The following MICU3 variants were observed in gnomAD, a reference collection of about 807,000 sequenced individuals.
MICU3 encodes the protein calcium uptake protein 3, mitochondrial.
A neutral mutation model predicts 66.5 loss-of-function variants in MICU3; 62 were observed. The ratio of observed to expected loss-of-function variants is 0.93; its 90% CI spans 0.76 to 1.15. MICU3 has a LOEUF of 1.15. Among genes scored for constraint, MICU3 ranks in the 50% most tolerant of loss-of-function variants. The pLI is 0.00. For missense variants in MICU3, 779 were observed against 664.4 expected, an observed-to-expected ratio of 1.17 and a Z score of -1.90; for synonymous variants, 308 against 240.7, an observed-to-expected ratio of 1.28 and a Z score of -2.59.
Position 17,043,761 on chromosome 8 carries a change from A to G in MICU3, c.381+16101A>G, listed in dbSNP as rs938711773. Among the ~76,000 whole-genome samples the G allele has an allele frequency of 2.6e-5, 4 of 152,350 alleles. No homozygotes were observed. The East Asian group carries it at 7.7e-4, about 29-fold the overall frequency. ...CTCTGTCTGCCTGCTTTGTTGATGA[A>G]CATAAAAGTCAAGTAAGAGTTTTGA... On this transcript the variant is annotated intron_variant, in intron 1 of 14. Coordinates refer to ENST00000318063, the MANE Select transcript of MICU3 (RefSeq NM_181723.3).
chr8:17,027,910 C>G (rs1178915583), intron 1 of MICU3, among the ~76,000 whole-genome samples: 1 of 152,128 alleles, frequency 6.6e-6, no homozygotes, highest in South Asian at 2.1e-4. Context: ...CAATCCAAAC[C>G]CAAAACCAAC....
At chr8:17,110,374 C>A (rs1802084237) in intron 11 of MICU3, among the ~76,000 whole-genome samples, 1 of 152,026 alleles carries the variant, frequency 6.6e-6, no homozygotes, top group African/African-American at 2.4e-5. Context: ...AACCATTTTC[C>A]TCATACCAAA....
intron 1 of MICU3, among the ~76,000 whole-genome samples, chr8:17,031,043 C>G (rs1229822754): frequency 2.0e-5 from 3 of 151,876 alleles, no homozygotes; most frequent in Non-Finnish European, 4.4e-5. Flanking sequence ...GAAATAGAAT[C>G]ATGGAGTCAA....
At chr8:17,090,128 C>T (rs1799892057) in intron 7 of MICU3, among the ~76,000 whole-genome samples, 1 of 152,024 alleles carries the variant, frequency 6.6e-6, no homozygotes, top group Admixed American at 6.6e-5. Context: ...TGTCACAGCA[C>T]TGATCACAGC....
intron 9 of MICU3, among the ~76,000 whole-genome samples, chr8:17,101,255 G>A (rs907414037): frequency 4.6e-5 from 7 of 151,636 alleles, no homozygotes; most frequent in African/African-American, 1.7e-4. Context: ...GAAAACACCC[G>A]AGTTCATTTT....
chr8:17,057,811 T>C (rs952638290), intron 1 of MICU3, among the ~76,000 whole-genome samples: 4 of 151,888 alleles, frequency 2.6e-5, no homozygotes, highest in African/African-American at 9.7e-5. Context: ...CCTGTTGACC[T>C]TTTTTTCGTT....
intron 1 of MICU3, among the ~76,000 whole-genome samples, chr8:17,062,305 C>T (rs1183004999): frequency 6.6e-6 from 1 of 152,150 alleles, no homozygotes; most frequent in African/African-American, 2.4e-5. Context: ...TAACCCATTC[C>T]GTTTCTCTGT....
Position 17,085,319 on chromosome 8 carries a change from G to T in MICU3, c.777+1G>T, listed in dbSNP as rs1484009999. On this transcript the variant is annotated splice_donor_variant, in intron 6 of 14. Coordinates refer to ENST00000318063, the MANE Select transcript of MICU3 (RefSeq NM_181723.3). LOFTEE classifies it high-confidence loss of function. ...GGTGGATAAAAAAGAGTTTTTGGTG[G>T]TATGTATACTAGATGCTGCACTTTA... 2 of 1,571,408 alleles carry T rather than the reference G, an allele frequency of 1.3e-6. No homozygotes were observed. The highest frequency in any genetic ancestry group is 1.7e-6 in the Non-Finnish European group (2 of 1,143,232).
chr8:17,098,316 A>G (rs1800938508), intron 8 of MICU3, 142 bp from the exon 9 acceptor site: 1 of 709,408 alleles, frequency 1.4e-6, no homozygotes, highest in Non-Finnish European at 2.5e-6. Context: ...ACTGTGGTGC[A>G]CAGCAGAAAA....
At chr8:17,115,152 T>C (rs900707339) in intron 12 of MICU3, among the ~76,000 whole-genome samples, 16 of 151,438 alleles carry the variant, frequency 1.1e-4, no homozygotes, top group Non-Finnish European at 2.4e-4. Context: ...GGACAGGCTA[T>C]TATTATGTTC....
At chr8:17,028,009 C>T (rs889895215) in intron 1 of MICU3, among the ~76,000 whole-genome samples, 1 of 152,130 alleles carries the variant, frequency 6.6e-6, no homozygotes, top group Non-Finnish European at 1.5e-5. Flanking sequence ...AAAAGGAACT[C>T]CTAGATTGCG....
At chr8:17,066,517 C>CTATCTA (rs1554518337) in intron 2 of MICU3, among the ~76,000 whole-genome samples, 22 of 105,062 alleles carry the variant, frequency 2.1e-4, no homozygotes, top group East Asian at 6.4e-4. Flanking sequence ...TGTTAATAAT[C>CTATCTA]TATATATATA....
intron 6 of MICU3, among the ~76,000 whole-genome samples, chr8:17,086,397 C>T (rs970732010): frequency 2.6e-5 from 4 of 152,098 alleles, no homozygotes; most frequent in South Asian, 2.1e-4. Context: ...CTCTCACCCA[C>T]GCAGCCCTTG....
At chr8:17,070,755 A>G (rs1404249047) in intron 3 of MICU3, among the ~76,000 whole-genome samples, 2 of 152,038 alleles carry the variant, frequency 1.3e-5, no homozygotes, top group African/African-American at 2.4e-5. Context: ...CTTGAGAGAC[A>G]TTGTCTTTAA....
At chr8:17,042,103 T>G (rs180824920) in intron 1 of MICU3, among the ~76,000 whole-genome samples, 3 of 152,330 alleles carry the variant, frequency 2.0e-5, no homozygotes, top group East Asian at 1.9e-4. Flanking sequence ...GGTCACAACT[T>G]TTACTATTCT....
chr8:17,074,219 A>C (rs1006681628), intron 3 of MICU3, among the ~76,000 whole-genome samples: 2 of 151,880 alleles, frequency 1.3e-5, no homozygotes, highest in African/African-American at 4.8e-5. Flanking sequence ...CTGTTTGGTA[A>C]TGATGCCATT....
At chr8:17,049,676 G>T in intron 1 of MICU3, 1 of 513,466 alleles carries the variant, frequency 1.9e-6, no homozygotes, top group South Asian at 1.4e-5. Context: ...GTTGTGTAAT[G>T]TGAAAAAACA....
chr8:17,077,825 G>C lies in MICU3; in HGVS notation c.610G>C (p.Gly204Arg). The C allele has an allele frequency of 6.2e-7, 1 of 1,611,918 alleles. No individual in the cohort carries two copies. Among genetic ancestry groups the C allele is most frequent in the South Asian group, 1.1e-5 (1 of 90,900 alleles). ...MLAETPPVWK[G>R]SSKLFRNLKE... ...CGCAGAAACACCACCAGTTTGGAAA[G>C]GCTCATCGAAGCTATTTCGAAATCT... Residue 204 changes from glycine (G) to arginine (R), a missense_variant, in exon 4 of 15, where the codon GGC becomes CGC. By Grantham distance (125) the Gly-to-Arg change is moderately radical (BLOSUM62 -2). Transcript: ENST00000318063.
intron 8 of MICU3, among the ~76,000 whole-genome samples, chr8:17,093,905 CAATAA>C (rs1254933909): frequency 2.0e-5 from 3 of 151,638 alleles, no homozygotes; most frequent in Non-Finnish European, 4.4e-5. Context: ...CGTAAATATA[CAATAA>C]AATAAATAAT....
Sources: allele counts gnomAD v4.1 joint callset (sites outside exome capture counted in the v4.1 genomes callset), GRCh38; gene constraint gnomAD v4.1.1; transcripts MANE v1.5; gene names NCBI Gene and HGNC (gene_info 2026-07-23, HGNC 2026-07-21).